The following DHRS12 variants were observed in gnomAD, a reference collection of about 807,000 sequenced individuals.
The protein encoded by DHRS12 is dehydrogenase/reductase 12.
DHRS12 carries 29 observed loss-of-function variants against 32.1 expected under a neutral mutation model. That is an observed-to-expected ratio of 0.90 (90% CI 0.67 to 1.23). The LOEUF is 1.23. Ranked by LOEUF, DHRS12 falls within the 50% of genes most tolerant of loss-of-function variation. The pLI is 0.00. For synonymous variants in DHRS12, 150 were observed against 135.9 expected (o/e 1.10, Z -0.72); for missense variants, 330 against 337.2 (o/e 0.98, Z 0.17).
chr13:51,786,622 GA>G (rs1954970117), intron 4 of DHRS12, among the ~76,000 whole-genome samples: 1 of 152,140 alleles, frequency 6.6e-6, no homozygotes, highest in South Asian at 2.1e-4. Flanking sequence ...AAAAGGCTAA[GA>G]ATTATTCTTT....
chr13:51,787,154 T>C (rs922525870), intron 4 of DHRS12, among the ~76,000 whole-genome samples: 6 of 151,804 alleles, frequency 4.0e-5, no homozygotes, highest in African/African-American at 1.5e-4. Flanking sequence ...CTCAGAGAGG[T>C]TGGAATAATC....
At chr13:51,802,441 G>A (rs1276729784) in intron 1 of DHRS12, among the ~76,000 whole-genome samples, 1 of 152,220 alleles carries the variant, frequency 6.6e-6, no homozygotes, top group African/African-American at 2.4e-5. Flanking sequence ...GTTTCCTGAA[G>A]CTGAGGTGAC....
chr13:51,774,423 A>AT lies in DHRS12; in HGVS notation c.364-390_364-389insA, dbSNP rs563965371. ...CATGTATTCTACAGTATTCTCCTACAGTATTCTCCTACATGTATTCTCCTA... is the reference window on the plus strand; with the variant it reads ...CATGTATTCTACAGTATTCTCCTACATGTATTCTCCTACATGTATTCTCCTA... On this transcript the variant is annotated intron_variant, in intron 5 of 8. Coordinates refer to ENST00000444610, the MANE Select transcript of DHRS12 (RefSeq NM_001377533.1). The AT allele has an allele frequency of 9.8e-4, 87 of 88,518 alleles. 1 individual carries two copies. Among genetic ancestry groups the AT allele is most frequent in the African/African-American group, 3.2e-3 (48 of 15,220 alleles). The allele number at this position is 88,518 out of a possible 1,614,324, so 5.5% of individuals were successfully genotyped here.
chr13:51,794,855 C>G (rs521821), intron 2 of DHRS12, among the ~76,000 whole-genome samples: 138,184 of 151,566 alleles, frequency 0.91, 63,151 homozygotes, highest in East Asian at 0.99. Context: ...GAGCCAGGTA[C>G]TAAGGTGGGG....
At chr13:51,774,405 TCTACAGTATTCTC>T (rs762388941) in intron 5 of DHRS12, 20 of 110,726 alleles carry the variant, frequency 1.8e-4, no homozygotes, top group African/African-American at 3.3e-4. Flanking sequence ...CTACATGTAT[TCTACAGTATTCTC>T]CTACAGTATT....
At chr13:51,769,406 GCTC>G (rs986508444) in intron 7 of DHRS12, 113 bp from the exon 8 acceptor site, 3 of 913,316 alleles carry the variant, frequency 3.3e-6, no homozygotes, top group South Asian at 1.9e-5. Flanking sequence ...ATCATAAACT[GCTC>G]CTTCTATTTT....
chr13:51,792,343 C>T (rs186512278), intron 2 of DHRS12, among the ~76,000 whole-genome samples: 90 of 151,408 alleles, frequency 5.9e-4, no homozygotes, highest in Non-Finnish European at 8.8e-4. Context: ...ATTTCCCTGA[C>T]GACTACTGAC....
intron 2 of DHRS12, among the ~76,000 whole-genome samples, chr13:51,795,476 TC>T: frequency 6.6e-6 from 1 of 152,332 alleles, no homozygotes. Context: ...ACCCTGAGCT[TC>T]CCATCTTGTA....
At chr13:51,770,813 T>C in intron 7 of DHRS12, 5 of 1,047,116 alleles carry the variant, frequency 4.8e-6, no homozygotes, top group Non-Finnish European at 5.8e-6. Context: ...AATGATATAG[T>C]GCACACAGGG....
the DHRS12 span, chr13:51,760,068 T>G: frequency 3.5e-6 from 1 of 289,662 alleles, no homozygotes; most frequent in African/African-American, 2.2e-5. Flanking sequence ...GGTGTTTAAT[T>G]TTTATACTTT....
At chr13:51,756,360 T>C in the DHRS12 span, 5 of 1,613,802 alleles carry the variant, frequency 3.1e-6, no homozygotes, top group Non-Finnish European at 4.2e-6. Context: ...GGGAAGGCCG[T>C]CTGTGGCAAG....
chr13:51,772,892 A>C (rs549332652), intron 6 of DHRS12: 2 of 985,342 alleles, frequency 2.0e-6, no homozygotes, highest in Non-Finnish European at 2.4e-6. Context: ...GGGGTCAAGG[A>C]GCAAAACTGG....
Position 51,790,002 on chromosome 13 carries a change from T to G in DHRS12, c.301+9A>C, listed in dbSNP as rs1415812673. On this transcript the variant is annotated intron_variant, in intron 4 of 8. Transcript: ENST00000444610. ...GCTAAAAACAAATAAGAAAACTTCT[T>G]GTACTTACCCAGAGTATTGGCAGCA... 6.3e-7 allele frequency: 1 copy of G among 1,588,918 alleles called. No homozygotes were observed. The highest frequency in any genetic ancestry group is 8.5e-7 in the Non-Finnish European group (1 of 1,172,938).
chr13:51,785,215 G>A (rs1954899247), intron 4 of DHRS12, among the ~76,000 whole-genome samples: 1 of 152,092 alleles, frequency 6.6e-6, no homozygotes, highest in South Asian at 2.1e-4. Context: ...GTGACAGAGC[G>A]AGACTCTGTC....
At chr13:51,756,209 C>A in the DHRS12 span, 1 of 1,409,084 alleles carries the variant, frequency 7.1e-7, no homozygotes, top group South Asian at 1.4e-5. Context: ...TTCTGGGGCT[C>A]TCTTGTTCAG....
At chr13:51,768,971 C>G in intron 8 of DHRS12, 185 bp downstream of exon 8, 1 of 1,412,086 alleles carries the variant, frequency 7.1e-7, no homozygotes, top group Non-Finnish European at 9.2e-7. Context: ...AAGCTACCAA[C>G]CTGGAGTGAA....
intron 5 of DHRS12, 163 bp from the exon 6 acceptor site, chr13:51,774,197 T>G: frequency 1.6e-6 from 1 of 612,338 alleles, no homozygotes; most frequent in South Asian, 1.9e-5. Flanking sequence ...ACAGTACATG[T>G]ATTCTCCTAC....
intron 4 of DHRS12, among the ~76,000 whole-genome samples, chr13:51,786,230 G>C (rs1353642039): frequency 6.6e-6 from 1 of 152,236 alleles, no homozygotes; most frequent in East Asian, 1.9e-4. Context: ...AATTGGTGAC[G>C]CAGCTGTCCT....
chr13:51,773,502 T>C (rs1442651034), intron 6 of DHRS12, among the ~76,000 whole-genome samples: 2 of 152,042 alleles, frequency 1.3e-5, no homozygotes, highest in Non-Finnish European at 2.9e-5. Flanking sequence ...CTGTTCAGAG[T>C]AGTCAAGGGT....
Sources: allele counts gnomAD v4.1 joint callset (sites outside exome capture counted in the v4.1 genomes callset), GRCh38; gene constraint gnomAD v4.1.1; transcripts MANE v1.5; gene names NCBI Gene and HGNC (gene_info 2026-07-23, HGNC 2026-07-21).